Variants in KCNH8 observed in about 807,000 individuals in gnomAD.
The protein encoded by KCNH8 is voltage-gated delayed rectifier potassium channel KCNH8.
A neutral mutation model predicts 103.6 loss-of-function variants in KCNH8; 70 were observed. The ratio of observed to expected loss-of-function variants is 0.68; its 90% CI spans 0.56 to 0.82. The LOEUF (loss-of-function observed/expected upper bound fraction) is 0.82, where lower values mean the gene tolerates loss of function less well. Among genes scored for constraint, KCNH8 ranks in the 40% least tolerant of loss-of-function variants. KCNH8 has a pLI of 0.00. For synonymous variants in KCNH8, 498 were observed against 489.4 expected, an observed-to-expected ratio of 1.02 and a Z score of -0.23; for missense variants, 1,217 against 1,329.9, an observed-to-expected ratio of 0.92 and a Z score of 1.32.
chr3:19,221,844 C>CTT (rs563088589), intron 1 of KCNH8, among the ~76,000 whole-genome samples: 29 of 143,552 alleles, frequency 2.0e-4, no homozygotes, highest in Admixed American at 4.9e-4. Context: ...ACTAGCATTC[C>CTT]TTTTTTTTTT....
At chr3:19,159,782 A>G (rs2063216626) in intron 1 of KCNH8, among the ~76,000 whole-genome samples, 2 of 152,108 alleles carry the variant, frequency 1.3e-5, no homozygotes, top group African/African-American at 2.4e-5. Flanking sequence ...CTATATCTAT[A>G]TATCATCTCC....
intron 1 of KCNH8, among the ~76,000 whole-genome samples, chr3:19,234,729 C>A (rs985287757): frequency 6.6e-6 from 1 of 152,262 alleles, no homozygotes; most frequent in African/African-American, 2.4e-5. Context: ...TCAAGTGCCG[C>A]CAAAGTAGGA....
At chr3:19,393,639 G>A (rs1355702616) in intron 6 of KCNH8, among the ~76,000 whole-genome samples, 3 of 151,956 alleles carry the variant, frequency 2.0e-5, no homozygotes, top group African/African-American at 7.2e-5. Flanking sequence ...TAACAGAATA[G>A]AGATTACAAA....
chr3:19,250,678 C>A (rs2064265244), intron 1 of KCNH8, among the ~76,000 whole-genome samples: 1 of 152,178 alleles, frequency 6.6e-6, no homozygotes, highest in African/African-American at 2.4e-5. Flanking sequence ...CTTATTCCAA[C>A]CTAACCATTT....
intron 7 of KCNH8, among the ~76,000 whole-genome samples, chr3:19,406,438 T>C (rs1276998463): frequency 1.3e-5 from 2 of 152,138 alleles, no homozygotes; most frequent in Non-Finnish European, 2.9e-5. Flanking sequence ...ACTCTCCAGG[T>C]TGGATATAAA....
At chr3:19,494,271 C>T (rs930046401) in intron 11 of KCNH8, among the ~76,000 whole-genome samples, 2 of 152,144 alleles carry the variant, frequency 1.3e-5, no homozygotes, top group African/African-American at 4.8e-5. Flanking sequence ...CTTGTAGCTC[C>T]CATAATTCCC....
At chr3:19,451,550 T>C in intron 10 of KCNH8, 146 bp downstream of exon 10, 2 of 697,634 alleles carry the variant, frequency 2.9e-6, no homozygotes, top group Non-Finnish European at 4.8e-6. Context: ...GAGTTTAGTG[T>C]GCCTATGTGT....
intron 11 of KCNH8, among the ~76,000 whole-genome samples, chr3:19,480,976 C>T (rs965932967): frequency 6.6e-6 from 1 of 152,100 alleles, no homozygotes; most frequent in Non-Finnish European, 1.5e-5. Flanking sequence ...CTGACTGTGG[C>T]TGAGATTATC....
intron 11 of KCNH8, among the ~76,000 whole-genome samples, chr3:19,466,623 T>C (rs2067741188): frequency 6.7e-6 from 1 of 149,222 alleles, no homozygotes; most frequent in Non-Finnish European, 1.5e-5. Flanking sequence ...CAGACTCAGA[T>C]GATTGTTAAC....
At chr3:19,353,949 T>C (rs1234756221) in intron 5 of KCNH8, among the ~76,000 whole-genome samples, 1 of 152,208 alleles carries the variant, frequency 6.6e-6, no homozygotes, top group African/African-American at 2.4e-5. Flanking sequence ...AAATTGTCTC[T>C]GTTTGCAGGT....
intron 1 of KCNH8, among the ~76,000 whole-genome samples, chr3:19,151,234 A>G (rs77911940): frequency 2.0e-5 from 3 of 151,970 alleles, no homozygotes; most frequent in African/African-American, 2.4e-5. Context: ...CCTTACTTCT[A>G]TTGATTTTTA....
At chr3:19,338,305 T>G (rs1026162376) in intron 3 of KCNH8, among the ~76,000 whole-genome samples, 1 of 152,030 alleles carries the variant, frequency 6.6e-6, no homozygotes, top group Non-Finnish European at 1.5e-5. Context: ...TCCTCACACC[T>G]TGTCTTTGCT....
At position 19,298,791 on chromosome 3, in the gene KCNH8, G is replaced by A. The variant is rs1358981189; in HGVS notation, c.442+17462G>A. Among the ~76,000 whole-genome samples, 5 of 152,010 alleles carry A rather than the reference G, an allele frequency of 3.3e-5. No homozygotes were observed. The South Asian group carries it at 8.3e-4, about 25-fold the overall frequency. ...TAAAAAATTAGCCGGGCCTGGTGGC[G>A]GGTGCCTGTAGTCCCAGCTACTCGG... On this transcript the variant is annotated intron_variant, in intron 3 of 15. Coordinates refer to ENST00000328405, the MANE Select transcript of KCNH8 (RefSeq NM_144633.3).
chr3:19,219,662 A>G (rs1415032624), intron 1 of KCNH8, among the ~76,000 whole-genome samples: 1 of 152,228 alleles, frequency 6.6e-6, no homozygotes, highest in Admixed American at 6.5e-5. Context: ...GCTAAATGCC[A>G]TCTTCATGAT....
At chr3:19,403,031 C>T (rs2066636275) in intron 7 of KCNH8, among the ~76,000 whole-genome samples, 1 of 151,554 alleles carries the variant, frequency 6.6e-6, no homozygotes, top group African/African-American at 2.4e-5. Flanking sequence ...TACTGAAGTC[C>T]CTTAGTATTC....
intron 1 of KCNH8, among the ~76,000 whole-genome samples, chr3:19,208,161 C>T (rs1446060978): frequency 1.3e-5 from 2 of 151,868 alleles, no homozygotes; most frequent in Non-Finnish European, 2.9e-5. Context: ...GATTCAAGCA[C>T]AATTTAAAGA....
chr3:19,170,683 CATAT>C (rs887696637), intron 1 of KCNH8, among the ~76,000 whole-genome samples: 59 of 140,658 alleles, frequency 4.2e-4, no homozygotes, highest in Non-Finnish European at 6.6e-4. Context: ...TACACACACA[CATAT>C]ATACACACAT....
chr3:19,509,361 T>C (rs2068746519), intron 11 of KCNH8, among the ~76,000 whole-genome samples: 1 of 152,172 alleles, frequency 6.6e-6, no homozygotes. Flanking sequence ...AGGCAGATCA[T>C]TTTCAAGTAC....
At chr3:19,320,968 T>TA (rs1339611238) in intron 3 of KCNH8, among the ~76,000 whole-genome samples, 1 of 151,920 alleles carries the variant, frequency 6.6e-6, no homozygotes, top group African/African-American at 2.4e-5. Context: ...TTTATGCACG[T>TA]AAAAAAGGTA....
Sources: allele counts gnomAD v4.1 joint callset (sites outside exome capture counted in the v4.1 genomes callset), GRCh38; gene constraint gnomAD v4.1.1; transcripts MANE v1.5; gene names NCBI Gene and HGNC (gene_info 2026-07-23, HGNC 2026-07-21).